Variants in TTLL7 observed in about 807,000 individuals in gnomAD.
TTLL7 encodes tubulin tyrosine ligase like 7.
Under a neutral mutation model 120.2 loss-of-function variants are expected in TTLL7, and 53 were observed. That is an observed-to-expected ratio of 0.44 (90% CI 0.35 to 0.55). The LOEUF (loss-of-function observed/expected upper bound fraction) is 0.55. Among genes scored for constraint, TTLL7 ranks in the 20% least tolerant of loss-of-function variants. The probability of loss-of-function intolerance (pLI) is 0.00; values close to 1 mark genes in which losing one functional copy is unlikely to be tolerated. For synonymous variants in TTLL7, 353 were observed against 351.7 expected (o/e 1.00, Z -0.04); for missense variants, 803 against 1,054.7 (o/e 0.76, Z 3.31).
intron 20 of TTLL7, 69 bp downstream of exon 20, chr1:83,882,894 C>G: frequency 4.6e-6 from 7 of 1,533,904 alleles, no homozygotes; most frequent in Non-Finnish European, 6.2e-6. Context: ...AAAACACTGT[C>G]AATTTCAAAC....
intron 20 of TTLL7, 26 bp from the exon 21 acceptor site, chr1:83,870,108 AT>A (rs749950801): frequency 6.5e-7 from 1 of 1,531,892 alleles, no homozygotes; most frequent in South Asian, 1.3e-5. Context: ...AACAAATTAG[AT>A]TTTTACAAGC....
intron 1 of TTLL7, among the ~76,000 whole-genome samples, chr1:83,989,089 A>G (rs1222241870): frequency 6.6e-6 from 1 of 152,184 alleles, no homozygotes; most frequent in Non-Finnish European, 1.5e-5. Context: ...GACCTTTGTC[A>G]CATACATAGT....
intron 1 of TTLL7, among the ~76,000 whole-genome samples, chr1:83,990,333 G>C (rs531763725): frequency 6.6e-6 from 1 of 152,008 alleles, no homozygotes; most frequent in African/African-American, 2.4e-5. Context: ...CCGCCACTGC[G>C]CCCGGCTAAT....
intron 7 of TTLL7, among the ~76,000 whole-genome samples, chr1:83,941,351 A>C (rs780438218): frequency 2.6e-5 from 4 of 152,246 alleles, no homozygotes; most frequent in Non-Finnish European, 4.4e-5. Flanking sequence ...TTCCAAAACT[A>C]GCACAGTGCC....
chr1:83,973,772 C>G (rs907278602), intron 1 of TTLL7, among the ~76,000 whole-genome samples: 1 of 151,926 alleles, frequency 6.6e-6, no homozygotes, highest in African/African-American at 2.4e-5. Context: ...TTATATAGAT[C>G]TTATACATAT....
chr1:83,939,708 T>C (rs1647755992), intron 7 of TTLL7, among the ~76,000 whole-genome samples: 1 of 152,186 alleles, frequency 6.6e-6, no homozygotes, highest in African/African-American at 2.4e-5. Context: ...CAAAAACAAA[T>C]GTTTATTATA....
chr1:83,948,805 A>C (rs1406136599), intron 4 of TTLL7, 110 bp from the exon 5 acceptor site: 2 of 674,194 alleles, frequency 3.0e-6, no homozygotes, highest in Non-Finnish European at 5.0e-6. Context: ...ATAAACTGCC[A>C]ATTATTAATC....
chr1:83,995,729 A>C (rs1208913817), intron 1 of TTLL7, among the ~76,000 whole-genome samples: 1 of 152,154 alleles, frequency 6.6e-6, no homozygotes, highest in Non-Finnish European at 1.5e-5. Flanking sequence ...CATACCCTTT[A>C]ACCCAGAAAT....
chr1:83,965,459 C>T (rs1047155688), intron 1 of TTLL7, among the ~76,000 whole-genome samples: 1 of 152,084 alleles, frequency 6.6e-6, no homozygotes, highest in African/African-American at 2.4e-5. Flanking sequence ...GCCTCCCAAG[C>T]CATGCAGAAC....
At chr1:83,998,040 ACTC>A (rs760685050) in intron 1 of TTLL7, among the ~76,000 whole-genome samples, 6 of 152,212 alleles carry the variant, frequency 3.9e-5, no homozygotes, top group Non-Finnish European at 8.8e-5. Context: ...GTTTGAGATT[ACTC>A]CTCAATTAAT....
In TTLL7 at chr1:83,883,119, A is replaced by G. The variant is rs1276186666; in HGVS notation, c.2387T>C (p.Ile796Thr). ...CACCACCTCCGGGCTTTTATTGAAT[A>G]TACTCTCCCAAGAGGATCTGTTGGC... ...FCDSGSSWES[I>T]FNKSPEVVTP... The change falls in exon 20 of 21, where the codon ATA (isoleucine) becomes ACA (threonine). Residue 796 changes from isoleucine to threonine, a missense_variant. Transcript: ENST00000260505. 6.2e-7 allele frequency: 1 copy of G among 1,605,958 alleles called. No homozygotes were observed. Among genetic ancestry groups the G allele is most frequent in the Non-Finnish European group, 8.5e-7 (1 of 1,176,516 alleles).
At chr1:83,914,533 T>G (rs558934475) in intron 14 of TTLL7, among the ~76,000 whole-genome samples, 1 of 152,100 alleles carries the variant, frequency 6.6e-6, no homozygotes, top group African/African-American at 2.4e-5. Flanking sequence ...GGTTTCACCA[T>G]GTTGGCCAGG....
At chr1:83,987,964 A>G (rs1415217342) in intron 1 of TTLL7, among the ~76,000 whole-genome samples, 1 of 152,202 alleles carries the variant, frequency 6.6e-6, no homozygotes, top group African/African-American at 2.4e-5. Context: ...GGTTTGGGGT[A>G]TAATTGATTC....
At chr1:83,950,385 T>A (rs1356433388) in intron 3 of TTLL7, among the ~76,000 whole-genome samples, 1 of 152,180 alleles carries the variant, frequency 6.6e-6, no homozygotes, top group Non-Finnish European at 1.5e-5. Flanking sequence ...TATCCCCTGA[T>A]CATCACACCT....
intron 1 of TTLL7, among the ~76,000 whole-genome samples, chr1:83,983,134 C>T (rs1037405469): frequency 1.3e-5 from 2 of 152,068 alleles, no homozygotes; most frequent in African/African-American, 2.4e-5. Context: ...GAGTTCGAGA[C>T]TAGTCTGGGC....
At chr1:83,923,020 C>A (rs1359874493) in intron 10 of TTLL7, among the ~76,000 whole-genome samples, 3 of 150,588 alleles carry the variant, frequency 2.0e-5, no homozygotes, top group Non-Finnish European at 4.4e-5. Context: ...CTTGTGATGA[C>A]ACCAAGAGTT....
intron 12 of TTLL7, 113 bp from the exon 13 acceptor site, chr1:83,919,947 CAGGT>C (rs1026401848): frequency 4.3e-6 from 4 of 930,738 alleles, no homozygotes; most frequent in Non-Finnish European, 6.4e-6. Context: ...GTCACATTGC[CAGGT>C]ATAAGCATTT....
chr1:83,937,826 A>G (rs745743335), intron 8 of TTLL7, 26 bp downstream of exon 8: 1 of 1,611,908 alleles, frequency 6.2e-7, no homozygotes, highest in Non-Finnish European at 8.5e-7. Context: ...AAAGACTGTT[A>G]TAATTGTGGA....
intron 10 of TTLL7, among the ~76,000 whole-genome samples, chr1:83,922,043 C>T (rs940322883): frequency 1.3e-5 from 2 of 152,216 alleles, no homozygotes; most frequent in African/African-American, 4.8e-5. Flanking sequence ...TCTCTCTCTT[C>T]CCTGCCACGT....
Sources: allele counts gnomAD v4.1 joint callset (sites outside exome capture counted in the v4.1 genomes callset), GRCh38; gene constraint gnomAD v4.1.1; transcripts MANE v1.5; gene names NCBI Gene and HGNC (gene_info 2026-07-23, HGNC 2026-07-21).